Variants in GPBP1 observed in about 807,000 individuals in gnomAD.
The protein encoded by GPBP1 is GC-rich promoter binding protein 1, also known as vasculin.
In GPBP1, 13 loss-of-function variants were observed where a neutral mutation model predicts 56.5. The observed-to-expected ratio is 0.23, with a 90% CI of 0.15 to 0.37. GPBP1 has a LOEUF of 0.37. GPBP1 is among the 10% of genes least tolerant of loss of function. The pLI, the probability that GPBP1 is intolerant of heterozygous loss-of-function variation, is 1.00. For synonymous variants in GPBP1, 204 were observed against 188.9 expected (o/e 1.08, Z -0.66); for missense variants, 477 against 572.3 (o/e 0.83, Z 1.70).
At chr5:57,199,764 T>C (rs1754918101) in intron 2 of GPBP1, among the ~76,000 whole-genome samples, 1 of 152,242 alleles carries the variant, frequency 6.6e-6, no homozygotes, top group South Asian at 2.1e-4. Flanking sequence ...ATACTTCCCT[T>C]GCCTGCTGGA....
At chr5:57,195,909 A>G (rs1444242281) in intron 2 of GPBP1, among the ~76,000 whole-genome samples, 1 of 146,728 alleles carries the variant, frequency 6.8e-6, no homozygotes, top group African/African-American at 2.5e-5. Flanking sequence ...AGGCTGAGGC[A>G]GAAGAATCAC....
chr5:57,263,042 G>C lies in GPBP1; in HGVS notation c.*290G>C. The C allele has an allele frequency of 4.3e-6, 1 of 234,018 alleles. No homozygotes were observed. Among genetic ancestry groups the C allele is most frequent in the Admixed American group, 5.5e-5 (1 of 18,240 alleles). The allele number at this position is 234,018 out of a possible 1,614,324, so 14.5% of individuals were successfully genotyped here. A position where few individuals can be genotyped will look rare whatever the true frequency, so the allele number is the denominator to read the frequency against. Reference sequence around the variant, plus strand: ...AGCAATGTGACGATGTAACAAATGAGATTTTCTCATTTAATAATAAAAAAT... The same window carrying C: ...AGCAATGTGACGATGTAACAAATGACATTTTCTCATTTAATAATAAAAAAT... On this transcript the variant is annotated 3_prime_UTR_variant, in exon 12 of 12. Coordinates refer to ENST00000506184, the MANE Select transcript of GPBP1 (RefSeq NM_022913.4).
intron 5 of GPBP1, among the ~76,000 whole-genome samples, chr5:57,232,350 T>C (rs1056894101): frequency 1.3e-5 from 2 of 152,246 alleles, no homozygotes; most frequent in African/African-American, 4.8e-5. Context: ...TTAGAAGCAG[T>C]ATTTATTCAA....
chr5:57,257,586 G>T (rs1225521797), intron 10 of GPBP1, among the ~76,000 whole-genome samples: 1 of 152,070 alleles, frequency 6.6e-6, no homozygotes, highest in African/African-American at 2.4e-5. Flanking sequence ...CCAGTCAGAG[G>T]TTTCTTTCTT....
At chr5:57,254,873 A>T (rs1741577849) in intron 10 of GPBP1, among the ~76,000 whole-genome samples, 1 of 152,230 alleles carries the variant, frequency 6.6e-6, no homozygotes, top group Non-Finnish European at 1.5e-5. Flanking sequence ...TTTAATGTGA[A>T]CAGATGAATA....
At chr5:57,221,775 A>C (rs1164280756) in intron 3 of GPBP1, among the ~76,000 whole-genome samples, 1 of 152,208 alleles carries the variant, frequency 6.6e-6, no homozygotes, top group Admixed American at 6.5e-5. Context: ...CAATGTAAGC[A>C]GTGTCAGCTT....
intron 2 of GPBP1, among the ~76,000 whole-genome samples, chr5:57,201,147 T>A (rs1298999815): frequency 3.3e-5 from 5 of 152,154 alleles, no homozygotes; most frequent in African/African-American, 1.2e-4. Flanking sequence ...TTTAAAAAGT[T>A]AAATTCTGTA....
Position 57,200,892 on chromosome 5 carries a change from A to G in GPBP1, c.-57-13182A>G, listed in dbSNP as rs535397746. 8.6e-5 allele frequency among the ~76,000 whole-genome samples: 13 copies of G among 151,132 alleles called. No individual in the cohort carries two copies. In the East Asian group the frequency reaches 1.8e-3, roughly 21 times the overall value. ...ATGGGGTATCACCGTGTTAGCCAGGATGGTCTTGATTTGCTGACCTCGTGA... is the reference window on the plus strand; with the variant it reads ...ATGGGGTATCACCGTGTTAGCCAGGGTGGTCTTGATTTGCTGACCTCGTGA... On this transcript the variant is annotated intron_variant, in intron 2 of 11. Coordinates refer to ENST00000506184, the MANE Select transcript of GPBP1 (RefSeq NM_022913.4).
At chr5:57,210,231 G>A (rs757521426) in intron 2 of GPBP1, among the ~76,000 whole-genome samples, 2 of 152,096 alleles carry the variant, frequency 1.3e-5, no homozygotes, top group Non-Finnish European at 2.9e-5. Flanking sequence ...ACTTAAAGAT[G>A]TACACTTAGG....
At chr5:57,216,109 G>C (rs1755689566) in intron 3 of GPBP1, among the ~76,000 whole-genome samples, 1 of 152,212 alleles carries the variant, frequency 6.6e-6, no homozygotes, top group African/African-American at 2.4e-5. Context: ...TTCTTGGGCT[G>C]ATGAACCTGG....
intron 2 of GPBP1, among the ~76,000 whole-genome samples, chr5:57,202,061 A>G (rs550355357): frequency 1.2e-4 from 19 of 152,194 alleles, no homozygotes; most frequent in Non-Finnish European, 1.9e-4. Flanking sequence ...TGGAGCGATC[A>G]TTGCTCACTG....
intron 2 of GPBP1, among the ~76,000 whole-genome samples, chr5:57,208,701 G>T (rs1199849803): frequency 1.3e-5 from 2 of 148,150 alleles, no homozygotes; most frequent in African/African-American, 5.0e-5. Context: ...CCGTCGTCCA[G>T]GCTGGAGTGC....
At chr5:57,217,615 G>A (rs1412424238) in intron 3 of GPBP1, among the ~76,000 whole-genome samples, 1 of 152,078 alleles carries the variant, frequency 6.6e-6, no homozygotes, top group African/African-American at 2.4e-5. Context: ...ACTACAAGTG[G>A]TCAAAGATCT....
chr5:57,176,526 C>T (rs1753793291), intron 2 of GPBP1, 126 bp downstream of exon 2: 1 of 152,196 alleles, frequency 6.6e-6, no homozygotes, highest in South Asian at 2.1e-4. Flanking sequence ...TTTCAGTTTC[C>T]TTGACAGTCT....
At chr5:57,253,142 G>A (rs1004290772) in intron 10 of GPBP1, among the ~76,000 whole-genome samples, 1 of 151,946 alleles carries the variant, frequency 6.6e-6, no homozygotes, top group Non-Finnish European at 1.5e-5. Context: ...TTGTTTTTTT[G>A]TAGTTAAAAG....
At chr5:57,223,892 G>T (rs1392657104) in intron 3 of GPBP1, among the ~76,000 whole-genome samples, 2 of 151,390 alleles carry the variant, frequency 1.3e-5, no homozygotes, top group Admixed American at 1.3e-4. Context: ...GGAGTGCAGC[G>T]ATGCTATCTC....
At chr5:57,183,824 G>A (rs831644) in intron 2 of GPBP1, among the ~76,000 whole-genome samples, 48,143 of 148,312 alleles carry the variant, frequency 0.32, 9,052 homozygotes, top group Non-Finnish European at 0.43. Context: ...CAGGCTGGAG[G>A]GCAGTGGTGC....
chr5:57,230,995 T>C, intron 4 of GPBP1, 26 bp downstream of exon 4: 1 of 1,515,616 alleles, frequency 6.6e-7, no homozygotes, highest in South Asian at 1.2e-5. Flanking sequence ...GAATGATGTT[T>C]ATGGCTAATT....
chr5:57,180,921 T>C (rs1423410074), intron 2 of GPBP1, among the ~76,000 whole-genome samples: 1 of 152,216 alleles, frequency 6.6e-6, no homozygotes, highest in Non-Finnish European at 1.5e-5. Flanking sequence ...TTTGAATTTT[T>C]AGTAGAGATG....
Sources: allele counts gnomAD v4.1 joint callset (sites outside exome capture counted in the v4.1 genomes callset), GRCh38; gene constraint gnomAD v4.1.1; transcripts MANE v1.5; gene names NCBI Gene and HGNC (gene_info 2026-07-23, HGNC 2026-07-21).